GPC6: variants seen among roughly 807,000 people sequenced by gnomAD.
GPC6 encodes the protein glypican 6.
Under a neutral mutation model 55.2 loss-of-function variants are expected in GPC6, and 14 were observed. That is an observed-to-expected ratio of 0.25 (90% CI 0.17 to 0.40). The LOEUF is 0.40. Ranked by LOEUF, GPC6 falls within the 10% of genes least tolerant of loss-of-function variation. The pLI, the probability that GPC6 is intolerant of heterozygous loss-of-function variation, is 1.00. For synonymous variants in GPC6, 278 were observed against 259.6 expected, an observed-to-expected ratio of 1.07 and a Z score of -0.68; for missense variants, 641 against 708.5, an observed-to-expected ratio of 0.90 and a Z score of 1.08.
intron 3 of GPC6, among the ~76,000 whole-genome samples, chr13:93,962,515 A>G (rs1879830930): frequency 6.6e-6 from 1 of 152,140 alleles, no homozygotes; most frequent in Admixed American, 6.5e-5. Flanking sequence ...GCAGCCTTGA[A>G]ATATCTGCCG....
At chr13:94,156,752 G>T (rs1247891417) in intron 4 of GPC6, among the ~76,000 whole-genome samples, 1 of 152,176 alleles carries the variant, frequency 6.6e-6, no homozygotes, top group African/African-American at 2.4e-5. Context: ...GCTCCCAGAG[G>T]TGTGGTAAGT....
At chr13:93,427,400 G>C (rs1056686325) in intron 1 of GPC6, among the ~76,000 whole-genome samples, 1 of 151,452 alleles carries the variant, frequency 6.6e-6, no homozygotes, top group African/African-American at 2.4e-5. Flanking sequence ...TACCAAAACA[G>C]AGATATAGAT....
chr13:93,873,157 T>G (rs1367312829), intron 3 of GPC6, among the ~76,000 whole-genome samples: 2 of 151,914 alleles, frequency 1.3e-5, no homozygotes, highest in African/African-American at 4.8e-5. Flanking sequence ...GGTCACACAC[T>G]TATGTAAACA....
intron 4 of GPC6, among the ~76,000 whole-genome samples, chr13:94,091,950 A>G (rs1420398704): frequency 6.8e-6 from 1 of 148,084 alleles, no homozygotes; most frequent in Non-Finnish European, 1.5e-5. Context: ...AAGGCAGCCC[A>G]AGCTTATTTT....
chr13:93,580,981 G>A (rs1361107362), intron 2 of GPC6, among the ~76,000 whole-genome samples: 3 of 152,086 alleles, frequency 2.0e-5, no homozygotes, highest in Non-Finnish European at 2.9e-5. Context: ...AAAAGGATTT[G>A]TCACATTAAA....
At chr13:94,094,487 T>C (rs974056141) in intron 4 of GPC6, among the ~76,000 whole-genome samples, 5 of 152,114 alleles carry the variant, frequency 3.3e-5, no homozygotes, top group Non-Finnish European at 5.9e-5. Flanking sequence ...AACTGGTAAG[T>C]CACGAAAGAA....
intron 1 of GPC6, among the ~76,000 whole-genome samples, chr13:93,291,863 A>C (rs144502815): frequency 1.0e-3 from 152 of 152,260 alleles, no homozygotes; most frequent in African/African-American, 3.5e-3. Context: ...CACTTCTTTT[A>C]ATTTCTCTCC....
intron 3 of GPC6, among the ~76,000 whole-genome samples, chr13:93,863,095 C>A (rs1175604033): frequency 6.6e-6 from 1 of 151,622 alleles, no homozygotes; most frequent in Non-Finnish European, 1.5e-5. Flanking sequence ...GCTATGAAAA[C>A]AAATACCCAA....
At chr13:94,006,307 G>A (rs902764267) in intron 3 of GPC6, among the ~76,000 whole-genome samples, 9 of 152,154 alleles carry the variant, frequency 5.9e-5, no homozygotes, top group East Asian at 1.9e-4. Context: ...TCAGTTTGTC[G>A]ATATTGGGTG....
intron 7 of GPC6, among the ~76,000 whole-genome samples, chr13:94,387,730 T>TTC (rs3044333): frequency 0.087 from 12,318 of 141,028 alleles, 632 homozygotes; most frequent in African/African-American, 0.15. Context: ...AGACATGAGT[T>TTC]TCTCTCTCTC....
chr13:93,769,459 A>G (rs1307127247), intron 2 of GPC6, among the ~76,000 whole-genome samples: 1 of 151,250 alleles, frequency 6.6e-6, no homozygotes, highest in Non-Finnish European at 1.5e-5. Context: ...GACAGCCCCA[A>G]AAAGCAGCAG....
At chr13:93,713,134 G>A (rs1301928162) in intron 2 of GPC6, among the ~76,000 whole-genome samples, 4 of 151,582 alleles carry the variant, frequency 2.6e-5, no homozygotes, top group South Asian at 4.2e-4. Context: ...TTTTAGAAAT[G>A]GAGGTGCAAA....
chr13:93,867,676 A>G (rs1327148571), intron 3 of GPC6, among the ~76,000 whole-genome samples: 1 of 151,672 alleles, frequency 6.6e-6, no homozygotes, highest in Non-Finnish European at 1.5e-5. Context: ...CTGGTAACCT[A>G]TTTGCTTCTC....
chr13:94,032,951 A>G (rs1883196603), intron 4 of GPC6, among the ~76,000 whole-genome samples: 1 of 152,184 alleles, frequency 6.6e-6, no homozygotes, highest in Non-Finnish European at 1.5e-5. Flanking sequence ...TCATTAGTCC[A>G]ACACATGTTT....
chr13:93,353,501 T>C (rs2139166980), intron 1 of GPC6, among the ~76,000 whole-genome samples: 1 of 152,376 alleles, frequency 6.6e-6, no homozygotes. Context: ...TTGACTCATA[T>C]GTTTCACCCA....
intron 4 of GPC6, chr13:94,154,271 G>A (rs200855738): frequency 7.9e-6 from 1 of 126,028 alleles, no homozygotes; most frequent in African/African-American, 2.9e-5. Flanking sequence ...TTATTTTAGT[G>A]TTGTTTTTAG....
rs987554513 is a variant in GPC6 at position 94,363,530 on chromosome 13, G to T, written c.1153-18884G>T. ...TGCAACCTACTCAAAAAGTTCAGAA[G>T]AAGATACTGAACTCTCTAATGTTGA... On this transcript the variant is annotated intron_variant, in intron 6 of 8. Transcript: ENST00000377047. 1.4e-4 allele frequency among the ~76,000 whole-genome samples: 22 copies of T among 152,180 alleles called. 1 individual carries two copies. The highest frequency in any genetic ancestry group is 6.5e-5 in the Admixed American group (1 of 15,274).
chr13:94,350,310 AG>A (rs1183216583), intron 6 of GPC6, among the ~76,000 whole-genome samples: 1 of 152,044 alleles, frequency 6.6e-6, no homozygotes, highest in African/African-American at 2.4e-5. Flanking sequence ...TCTGCACCCC[AG>A]GTGGACTAAC....
In GPC6 at chr13:93,845,151, C is replaced by T. The variant is rs187680389; in HGVS notation, c.711+14606C>T. ...GGGCTCTTTTTTGCTTCCATATGAA[C>T]TTTAAAGTAGTTTTTTCCAACTCTG... On this transcript the variant is annotated intron_variant, in intron 3 of 8. Transcript: ENST00000377047. Among the ~76,000 whole-genome samples, 1,320 of 152,122 alleles carry T rather than the reference C, an allele frequency of 8.7e-3. 25 individuals carry two copies. Among genetic ancestry groups the T allele is most frequent in the African/African-American group, 0.03 (1,259 of 41,496 alleles).
Sources: allele counts gnomAD v4.1 joint callset (sites outside exome capture counted in the v4.1 genomes callset), GRCh38; gene constraint gnomAD v4.1.1; transcripts MANE v1.5; gene names NCBI Gene and HGNC (gene_info 2026-07-23, HGNC 2026-07-21).